The following CFAP61 variants were observed in gnomAD, a reference collection of about 807,000 sequenced individuals.
CFAP61 encodes cilia- and flagella-associated protein 61.
Under a neutral mutation model 135.6 loss-of-function variants are expected in CFAP61, and 107 were observed. The observed-to-expected ratio is 0.79, with a 90% CI of 0.67 to 0.93. CFAP61 has a LOEUF of 0.93. Ranked by LOEUF, CFAP61 falls within the 40% of genes least tolerant of loss-of-function variation. The pLI, the probability that CFAP61 is intolerant of heterozygous loss-of-function variation, is 0.00. For missense variants in CFAP61, 1,507 were observed against 1,556.2 expected, an observed-to-expected ratio of 0.97 and a Z score of 0.53; for synonymous variants, 575 against 578.5, an observed-to-expected ratio of 0.99 and a Z score of 0.09.
chr20:20,075,535 T>G lies in CFAP61; in HGVS notation c.486T>G (p.Cys162Trp), dbSNP rs1406300793. 2 of 1,614,118 alleles carry G rather than the reference T, an allele frequency of 1.2e-6. No homozygotes were observed. Among genetic ancestry groups the G allele is most frequent in the Non-Finnish European group, 1.7e-6 (2 of 1,179,956 alleles). ...TTGACCAAGTGGGGAACATCCCGTGTCTGACGTATGAGGAAGACTTTGCAG... is the reference window on the plus strand; with the variant it reads ...TTGACCAAGTGGGGAACATCCCGTGGCTGACGTATGAGGAAGACTTTGCAG... ...TVFDQVGNIP[C>W]LTYEEDFAVH... is the part of the protein sequence containing the mutation. Residue 162 changes from cysteine (C) to tryptophan (W), a missense_variant, in exon 6 of 27, where the codon TGT (cysteine) becomes TGG (tryptophan). Cys to Trp is a radical substitution (Grantham distance 215, BLOSUM62 -2). Coordinates refer to ENST00000245957, the MANE Select transcript of CFAP61 (RefSeq NM_015585.4).
intron 18 of CFAP61, among the ~76,000 whole-genome samples, chr20:20,228,873 T>A (rs191990872): frequency 1.3e-5 from 2 of 152,344 alleles, no homozygotes; most frequent in African/African-American, 4.8e-5. Context: ...ACTTACAGAA[T>A]CTGGACTCCT....
intron 25 of CFAP61, 120 bp from the exon 26 acceptor site, chr20:20,341,711 T>TGAGCAAAC: frequency 3.2e-6 from 2 of 631,534 alleles, no homozygotes; most frequent in South Asian, 4.9e-5. Context: ...AGACATTTTA[T>TGAGCAAAC]GAGCAAACGA....
chr20:20,222,439 T>C (rs2048467558), intron 17 of CFAP61, among the ~76,000 whole-genome samples: 1 of 152,154 alleles, frequency 6.6e-6, no homozygotes, highest in Non-Finnish European at 1.5e-5. Flanking sequence ...AAAGCCAGTG[T>C]CCTAGAATCA....
rs779327360 is a variant in CFAP61, at chr20:20,067,793, C to T, written c.144-3061C>T. Among the ~76,000 whole-genome samples the T allele has an allele frequency of 4.9e-3, 669 of 137,638 alleles. 3 individuals carry two copies. Among genetic ancestry groups the T allele is most frequent in the Admixed American group, 0.012 (156 of 13,386 alleles). The allele number at this position is 137,638 out of a possible 152,430, so 90.3% of individuals were successfully genotyped here. On this transcript the variant is annotated intron_variant, in intron 2 of 26. Coordinates refer to ENST00000245957, the MANE Select transcript of CFAP61 (RefSeq NM_015585.4). Reference sequence around the variant, plus strand: ...TGTATTTATTATATATATATATATACCTACCTTCTCCCTCTACCTTTTCCT... The same window carrying T: ...TGTATTTATTATATATATATATATATCTACCTTCTCCCTCTACCTTTTCCT...
chr20:20,074,431 T>A, intron 4 of CFAP61, 53 bp downstream of exon 4: 1 of 1,447,164 alleles, frequency 6.9e-7, no homozygotes. Context: ...GTGTGGATAG[T>A]TTTGAAATAT....
At chr20:20,120,373 T>G (rs1197718852) in intron 8 of CFAP61, among the ~76,000 whole-genome samples, 1 of 152,232 alleles carries the variant, frequency 6.6e-6, no homozygotes, top group Non-Finnish European at 1.5e-5. Flanking sequence ...TAAATTTCCA[T>G]CTGAATTTCT....
At chr20:20,057,680 A>G (rs1483156661) in intron 2 of CFAP61, among the ~76,000 whole-genome samples, 1 of 152,166 alleles carries the variant, frequency 6.6e-6, no homozygotes, top group Admixed American at 6.5e-5. Flanking sequence ...GTGGGTGCCA[A>G]AATATAAATA....
chr20:20,358,573 T>A (rs2059360166), intron 26 of CFAP61, among the ~76,000 whole-genome samples: 1 of 152,204 alleles, frequency 6.6e-6, no homozygotes, highest in Non-Finnish European at 1.5e-5. Flanking sequence ...GCCTTACTGG[T>A]GGCACCCAAA....
chr20:20,168,917 A>G (rs1237606506), intron 12 of CFAP61, among the ~76,000 whole-genome samples: 8 of 152,220 alleles, frequency 5.3e-5, no homozygotes, highest in Non-Finnish European at 1.2e-4. Context: ...CCATCTCGCA[A>G]GAGGAAGGGA....
intron 19 of CFAP61, among the ~76,000 whole-genome samples, chr20:20,248,060 C>T (rs1601606230): frequency 6.6e-6 from 1 of 152,148 alleles, no homozygotes; most frequent in African/African-American, 2.4e-5. Context: ...CCTTTTTATT[C>T]ATTGATTCAT....
At chr20:20,162,299 G>C (rs1468661677) in intron 10 of CFAP61, among the ~76,000 whole-genome samples, 2 of 152,126 alleles carry the variant, frequency 1.3e-5, no homozygotes. Context: ...AAATCCCTGT[G>C]CCCTGAAAGA....
chr20:20,115,115 T>C (rs2049049241), intron 8 of CFAP61, among the ~76,000 whole-genome samples: 1 of 152,130 alleles, frequency 6.6e-6, no homozygotes, highest in African/African-American at 2.4e-5. Flanking sequence ...TTTTGTTTGC[T>C]AATGTTTTGT....
At chr20:20,310,588 T>C (rs1398401121) in intron 25 of CFAP61, among the ~76,000 whole-genome samples, 5 of 152,206 alleles carry the variant, frequency 3.3e-5, no homozygotes, top group African/African-American at 1.2e-4. Context: ...GGGTGCTTTA[T>C]ACAATTCCTT....
At chr20:20,190,555 G>A (rs1003151865) in intron 14 of CFAP61, among the ~76,000 whole-genome samples, 4 of 152,032 alleles carry the variant, frequency 2.6e-5, no homozygotes, top group Admixed American at 2.0e-4. Context: ...AACCTATAGA[G>A]GTGATGAAAT....
At chr20:20,072,604 A>G (rs1442462871) in intron 3 of CFAP61, among the ~76,000 whole-genome samples, 2 of 152,198 alleles carry the variant, frequency 1.3e-5, no homozygotes, top group Non-Finnish European at 2.9e-5. Context: ...TCTGAAAATT[A>G]TAAATTAACA....
rs112807362 is a variant in CFAP61, at chr20:20,309,927, A to C, written c.3422+11541A>C. ...GATGGAAGACAGCTGTGCATTCTAC[A>C]TGGCCTCAACACACCATAATGGGAC... is the stretch of plus-strand genomic sequence containing the variant. On this transcript the variant is annotated intron_variant, in intron 25 of 26. Coordinates refer to ENST00000245957, the MANE Select transcript of CFAP61 (RefSeq NM_015585.4). Among the ~76,000 whole-genome samples, 7 of 152,316 alleles carry C rather than the reference A, an allele frequency of 4.6e-5. 1 individual carries two copies. Among genetic ancestry groups the C allele is most frequent in the South Asian group, 4.1e-4 (2 of 4,826 alleles).
At chr20:20,158,172 C>G (rs897283664) in intron 9 of CFAP61, among the ~76,000 whole-genome samples, 1 of 151,132 alleles carries the variant, frequency 6.6e-6, no homozygotes, top group African/African-American at 2.4e-5. Context: ...AGCGCACCAC[C>G]ATGGCACATG....
At chr20:20,093,434 CTTTTTTT>C (rs11479548) in intron 7 of CFAP61, among the ~76,000 whole-genome samples, 1 of 121,964 alleles carries the variant, frequency 8.2e-6, no homozygotes, top group Non-Finnish European at 1.7e-5. Flanking sequence ...TTGTGTATTT[CTTTTTTT>C]TTTTTTTTTT....
At chr20:20,131,976 A>G (rs1184876314) in intron 8 of CFAP61, among the ~76,000 whole-genome samples, 9 of 152,004 alleles carry the variant, frequency 5.9e-5, no homozygotes, top group Admixed American at 5.2e-4. Flanking sequence ...TAAGTGTTCA[A>G]TGCAAAATTG....
Sources: allele counts gnomAD v4.1 joint callset (sites outside exome capture counted in the v4.1 genomes callset), GRCh38; gene constraint gnomAD v4.1.1; transcripts MANE v1.5; gene names NCBI Gene and HGNC (gene_info 2026-07-23, HGNC 2026-07-21).